The following DCDC1 variants were observed in gnomAD, a reference collection of about 807,000 sequenced individuals.
DCDC1 encodes the protein doublecortin domain-containing protein 1.
DCDC1 carries 200 observed loss-of-function variants against 178.3 expected under a neutral mutation model. The observed-to-expected ratio is 1.12, with a 90% CI of 1.00 to 1.26. The LOEUF (loss-of-function observed/expected upper bound fraction) is 1.26, where lower values mean the gene tolerates loss of function less well. Among genes scored for constraint, DCDC1 ranks in the 50% most tolerant of loss-of-function variants. DCDC1 has a pLI of 0.00. For synonymous variants in DCDC1, 690 were observed against 604.8 expected (o/e 1.14, Z -2.07); for missense variants, 1,983 against 1,749.2 (o/e 1.13, Z -2.38).
At chr11:31,190,297 C>A (rs1216035920) in intron 9 of DCDC1, among the ~76,000 whole-genome samples, 1 of 152,026 alleles carries the variant, frequency 6.6e-6, no homozygotes, top group Non-Finnish European at 1.5e-5. Flanking sequence ...TGAGGCTGAG[C>A]AGATAAATAA....
intron 17 of DCDC1, among the ~76,000 whole-genome samples, chr11:31,083,544 G>A (rs970810576): frequency 1.3e-5 from 2 of 152,158 alleles, no homozygotes; most frequent in Admixed American, 1.3e-4. Context: ...TCCATCTAAA[G>A]GGGACATCAC....
intron 9 of DCDC1, among the ~76,000 whole-genome samples, chr11:31,178,162 A>T (rs1163958952): frequency 6.6e-6 from 1 of 152,246 alleles, no homozygotes; most frequent in African/African-American, 2.4e-5. Context: ...CTATATTACT[A>T]AAATAGCATG....
At chr11:31,081,287 A>G (rs1238478822) in intron 17 of DCDC1, among the ~76,000 whole-genome samples, 2 of 152,222 alleles carry the variant, frequency 1.3e-5, no homozygotes, top group African/African-American at 2.4e-5. Flanking sequence ...TAGATGGCTA[A>G]AGAAGATAAA....
chr11:31,175,275 A>G (rs952155878), intron 9 of DCDC1, among the ~76,000 whole-genome samples: 8 of 152,202 alleles, frequency 5.3e-5, no homozygotes, highest in African/African-American at 1.9e-4. Flanking sequence ...CCACCCAGCC[A>G]CAACCAGTGT....
At chr11:31,076,792 A>T (rs994833605) in intron 18 of DCDC1, among the ~76,000 whole-genome samples, 1 of 152,016 alleles carries the variant, frequency 6.6e-6, no homozygotes, top group Non-Finnish European at 1.5e-5. Context: ...ATTCTTTCTC[A>T]CACAGTGTCC....
chr11:31,342,552 C>T (rs1950603075), intron 1 of DCDC1, among the ~76,000 whole-genome samples: 1 of 152,116 alleles, frequency 6.6e-6, no homozygotes, highest in South Asian at 2.1e-4. Flanking sequence ...TGCTTTTGTC[C>T]ACCCAGCACT....
chr11:30,971,848 A>G (rs1199691109), intron 20 of DCDC1, among the ~76,000 whole-genome samples: 1 of 152,074 alleles, frequency 6.6e-6, no homozygotes, highest in African/African-American at 2.4e-5. Flanking sequence ...TGACCTTGTG[A>G]TCGGCCTGCC....
chr11:31,355,719 C>G (rs913572536), intron 1 of DCDC1, among the ~76,000 whole-genome samples: 6 of 152,066 alleles, frequency 3.9e-5, no homozygotes, highest in Non-Finnish European at 7.4e-5. Flanking sequence ...AGGCACCCAC[C>G]ACCACGCCCG....
chr11:31,006,024 A>G (rs1951828103), intron 20 of DCDC1, among the ~76,000 whole-genome samples: 1 of 148,014 alleles, frequency 6.8e-6, no homozygotes, highest in South Asian at 2.1e-4. Context: ...AACCCATTTT[A>G]CTGCCAAACC....
intron 11 of DCDC1, among the ~76,000 whole-genome samples, chr11:31,113,087 A>G (rs1217954520): frequency 6.6e-6 from 1 of 152,178 alleles, no homozygotes; most frequent in Non-Finnish European, 1.5e-5. Context: ...AACAAAAACA[A>G]TGCAAAACTA....
rs1470600971 is a variant in DCDC1, at chr11:31,065,088, T to C, written c.2364A>G (p.Thr788=). 4 of 765,600 alleles carry C rather than the reference T, an allele frequency of 5.2e-6. 1 individual carries two copies. In the South Asian group the frequency reaches 5.4e-5, roughly 10 times the overall value. The allele number at this position is 765,600 out of a possible 1,614,324, so 47.4% of individuals were successfully genotyped here. A position where few individuals can be genotyped will look rare whatever the true frequency, so the allele number is the denominator to read the frequency against. ...ELNAQVDVTQ[T]EYHIHHGAWT... is the part of the protein sequence containing the mutation. The stretch of plus-strand genomic sequence containing the variant: ...AGGCACCATGGTGAATGTGATACTC[T>C]GTCTGGGTCACATCTACTTGTGCAT... The change falls in exon 19 of 39, where the codon ACA becomes ACG. Residue 788 remains threonine (T), a synonymous_variant. Transcript: ENST00000684477.
chr11:31,090,870 T>C (rs967370047), intron 17 of DCDC1, among the ~76,000 whole-genome samples: 4 of 152,128 alleles, frequency 2.6e-5, no homozygotes, highest in African/African-American at 9.7e-5. Context: ...GAAAACAATA[T>C]TTTGAGACTC....
chr11:31,202,434 G>A (rs1225476675), intron 9 of DCDC1, among the ~76,000 whole-genome samples: 2 of 151,964 alleles, frequency 1.3e-5, no homozygotes, highest in African/African-American at 4.8e-5. Context: ...AGTTGACTGT[G>A]GTGGCATTTG....
At chr11:31,323,380 T>G (rs1331047099) in intron 3 of DCDC1, among the ~76,000 whole-genome samples, 1 of 152,238 alleles carries the variant, frequency 6.6e-6, no homozygotes, top group Admixed American at 6.5e-5. Context: ...TGTCTCTTTT[T>G]CTTATACAGA....
intron 18 of DCDC1, among the ~76,000 whole-genome samples, chr11:31,068,242 T>C (rs1956362985): frequency 6.6e-6 from 1 of 152,200 alleles, no homozygotes; most frequent in South Asian, 2.1e-4. Context: ...TCCTGACATA[T>C]ATTAGTTGTA....
chr11:31,006,258 C>A (rs922397966), intron 20 of DCDC1, among the ~76,000 whole-genome samples: 1 of 152,128 alleles, frequency 6.6e-6, no homozygotes, highest in Non-Finnish European at 1.5e-5. Context: ...CTTTTACAGT[C>A]CTGCAAAGGT....
chr11:31,085,373 T>A (rs1004357439), intron 17 of DCDC1, among the ~76,000 whole-genome samples: 2 of 152,104 alleles, frequency 1.3e-5, no homozygotes, highest in African/African-American at 2.4e-5. Flanking sequence ...TGCCCTTTTT[T>A]AATCTCTCCC....
At chr11:30,943,463 A>G (rs1947801354) in intron 21 of DCDC1, 4 of 314,374 alleles carry the variant, frequency 1.3e-5, no homozygotes, top group Non-Finnish European at 2.5e-5. Flanking sequence ...AAATGGATAT[A>G]TTTTAATTTA....
intron 21 of DCDC1, among the ~76,000 whole-genome samples, chr11:30,947,160 G>A (rs1006705707): frequency 1.3e-5 from 2 of 152,082 alleles, no homozygotes; most frequent in African/African-American, 2.4e-5. Flanking sequence ...GAAGAAAAAT[G>A]TCTGAAAATA....
Sources: gnomAD v4.1 joint callset for allele counts (sites outside exome capture counted in the v4.1 genomes callset) on GRCh38, gnomAD v4.1.1 for gene constraint, MANE v1.5 for transcripts, NCBI Gene and HGNC (gene_info 2026-07-23, HGNC 2026-07-21) for gene names.